Variants in MEGF9 observed in about 807,000 individuals in gnomAD.
MEGF9 encodes multiple epidermal growth factor-like domains protein 9.
MEGF9 carries 6 observed loss-of-function variants against 46.8 expected under a neutral mutation model. That is an observed-to-expected ratio of 0.13 (90% confidence interval 0.07 to 0.25). MEGF9 has a LOEUF of 0.25. MEGF9 is among the 10% of genes least tolerant of loss of function. MEGF9 has a pLI of 1.00. For synonymous variants in MEGF9, 302 were observed against 330.7 expected (o/e 0.91, Z 0.94); for missense variants, 683 against 792.4 (o/e 0.86, Z 1.66).
At chr9:120,662,420 T>TA (rs1374135422) in intron 1 of MEGF9, among the ~76,000 whole-genome samples, 1 of 152,200 alleles carries the variant, frequency 6.6e-6, no homozygotes, top group Non-Finnish European at 1.5e-5. Context: ...TATGAATCCA[T>TA]AACAATATCT....
chr9:120,658,080 G>T (rs543640713), intron 2 of MEGF9, among the ~76,000 whole-genome samples: 2 of 152,048 alleles, frequency 1.3e-5, no homozygotes, highest in East Asian at 3.9e-4. Flanking sequence ...CACCTCCCGG[G>T]TTCAACCGAT....
intron 1 of MEGF9, among the ~76,000 whole-genome samples, chr9:120,661,077 T>C (rs2043699679): frequency 2.0e-5 from 3 of 152,174 alleles, no homozygotes; most frequent in South Asian, 4.1e-4. Context: ...AGCTTATTTA[T>C]CCACACAAGT....
chr9:120,620,558 A>G (rs559805226), intron 3 of MEGF9, among the ~76,000 whole-genome samples: 2 of 152,346 alleles, frequency 1.3e-5, no homozygotes, highest in African/African-American at 4.8e-5. Flanking sequence ...GAGAGCATAT[A>G]ATAAGGAAAT....
chr9:120,654,079 G>C (rs1177693866), intron 2 of MEGF9, among the ~76,000 whole-genome samples: 1 of 152,218 alleles, frequency 6.6e-6, no homozygotes, highest in African/African-American at 2.4e-5. Context: ...TGAAGAGTAA[G>C]AGAGATATCT....
At chr9:120,650,820 G>GTT (rs890175883) in intron 2 of MEGF9, among the ~76,000 whole-genome samples, 1 of 146,820 alleles carries the variant, frequency 6.8e-6, no homozygotes. Context: ...GAATTTTCAT[G>GTT]TTTTTTTTTT....
chr9:120,654,353 AG>A lies in MEGF9; in HGVS notation c.803+5020del, dbSNP rs570843889. 5.9e-5 allele frequency among the ~76,000 whole-genome samples: 9 copies of A among 152,326 alleles called. No individual in the cohort carries two copies. In the East Asian group the frequency reaches 1.7e-3, roughly 29 times the overall value. On this transcript the variant is annotated intron_variant, in intron 2 of 5. Transcript: ENST00000373930. ...CATATAGAACAGGGAAAAATAATAC[AG>A]TCAGGTGCAACATGATGACATTTCC...
At chr9:120,629,038 C>G (rs900052864) in intron 2 of MEGF9, among the ~76,000 whole-genome samples, 1 of 152,042 alleles carries the variant, frequency 6.6e-6, no homozygotes, top group Non-Finnish European at 1.5e-5. Flanking sequence ...TGCAGTGGTG[C>G]GATCACAGCT....
At chr9:120,627,531 C>T (rs982655032) in intron 2 of MEGF9, among the ~76,000 whole-genome samples, 1 of 152,148 alleles carries the variant, frequency 6.6e-6, no homozygotes, top group Non-Finnish European at 1.5e-5. Context: ...GGCACAATCT[C>T]GGCTTACTGC....
At chr9:120,709,773 G>C (rs1417694217) in intron 1 of MEGF9, among the ~76,000 whole-genome samples, 1 of 152,146 alleles carries the variant, frequency 6.6e-6, no homozygotes, top group Admixed American at 6.5e-5. Context: ...TTGGGCCAGC[G>C]TGCGGCAGCT....
In MEGF9 at chr9:120,605,727, T is replaced by A; in HGVS notation, c.1358-86A>T. ...TAAAAGAAATACGCATGGGAGTGAA[T>A]GTTGATGTAGGATGTTAACATGATA... is the stretch of plus-strand genomic sequence containing the variant. On this transcript the variant is annotated intron_variant, in intron 5 of 5. Coordinates refer to ENST00000373930, the MANE Select transcript of MEGF9 (RefSeq NM_001080497.3). This position sits in a 1 kb window ranked among gnomAD's most constrained non-coding sequence, Gnocchi z 4.0. 1 of 948,856 alleles carries A rather than the reference T, an allele frequency of 1.1e-6. No homozygotes were observed. Among genetic ancestry groups the A allele is most frequent in the Non-Finnish European group, 1.6e-6 (1 of 639,232 alleles). 58.8% of individuals were successfully genotyped at this position (948,856 alleles called of 1,614,324 possible).
intron 1 of MEGF9, among the ~76,000 whole-genome samples, chr9:120,682,587 A>ACG (rs2043803524): frequency 6.6e-6 from 1 of 151,814 alleles, no homozygotes; most frequent in South Asian, 2.1e-4. Context: ...ACACACACAC[A>ACG]CACGCACACA....
At position 120,659,566 on chromosome 9, in the gene MEGF9, C is replaced by T. The variant is rs1411303328; in HGVS notation, c.611G>A (p.Cys204Tyr). ...CAGGCTTCCAACCACAGAGCAGTTACATACATACTCTGCAAAGGAAAGAAG... is the reference window on the plus strand; with the variant it reads ...CAGGCTTCCAACCACAGAGCAGTTATATACATACTCTGCAAAGGAAAGAAG... ...APSSPPPEYV[C>Y]NCSVVGSLNV... Residue 204 changes from cysteine to tyrosine, a missense_variant, in exon 2 of 6, where the codon TGT becomes TAT. Coordinates refer to ENST00000373930, the MANE Select transcript of MEGF9 (RefSeq NM_001080497.3). 2 of 1,609,672 alleles carry T rather than the reference C, an allele frequency of 1.2e-6. No homozygotes were observed. Among genetic ancestry groups the T allele is most frequent in the African/African-American group, 2.7e-5 (2 of 74,778 alleles).
intron 1 of MEGF9, among the ~76,000 whole-genome samples, chr9:120,699,444 G>A (rs1023919175): frequency 5.9e-5 from 9 of 152,040 alleles, no homozygotes; most frequent in Admixed American, 2.6e-4. Flanking sequence ...CTGGCCAGGT[G>A]CAGTGGCTCA....
chr9:120,620,162 G>C (rs2043491966), intron 3 of MEGF9, among the ~76,000 whole-genome samples: 1 of 152,138 alleles, frequency 6.6e-6, no homozygotes, highest in Non-Finnish European at 1.5e-5. Context: ...GAAAGGACAG[G>C]TCAGCACTTA....
chr9:120,658,262 C>T (rs920292465), intron 2 of MEGF9, among the ~76,000 whole-genome samples: 7 of 152,348 alleles, frequency 4.6e-5, no homozygotes, highest in Non-Finnish European at 7.4e-5. Context: ...GCTAGGATTA[C>T]AGGCGTGAGC....
intron 2 of MEGF9, among the ~76,000 whole-genome samples, chr9:120,631,527 C>T (rs577695779): frequency 2.6e-5 from 4 of 151,808 alleles, no homozygotes; most frequent in African/African-American, 7.3e-5. Flanking sequence ...CCCTGTCACC[C>T]GGGCTGGAGT....
At chr9:120,659,875 C>G (rs1192252277) in intron 1 of MEGF9, among the ~76,000 whole-genome samples, 2 of 150,314 alleles carry the variant, frequency 1.3e-5, no homozygotes, top group Admixed American at 6.7e-5. Context: ...CTACATGGCA[C>G]TAAGGGCACA....
intron 1 of MEGF9, among the ~76,000 whole-genome samples, chr9:120,690,757 C>T (rs773773934): frequency 6.6e-6 from 1 of 152,030 alleles, no homozygotes; most frequent in African/African-American, 2.4e-5. Flanking sequence ...CCAAAATTTC[C>T]TCTGTATTAT....
chr9:120,633,687 T>A lies in MEGF9; in HGVS notation c.804-10932A>T, dbSNP rs72755763. ...TAGTTCCTTAAGCTGGATCATTAGGTTGTTTATTTGAAATTTTGCTAGTTT... is the reference window on the plus strand; with the variant it reads ...TAGTTCCTTAAGCTGGATCATTAGGATGTTTATTTGAAATTTTGCTAGTTT... On this transcript the variant is annotated intron_variant, in intron 2 of 5. Transcript: ENST00000373930. 3.0e-3 allele frequency among the ~76,000 whole-genome samples: 458 copies of A among 152,200 alleles called. 8 individuals carry two copies. Among genetic ancestry groups the A allele is most frequent in the Non-Finnish European group, 2.0e-3 (133 of 68,004 alleles).
Sources: allele counts gnomAD v4.1 joint callset (sites outside exome capture counted in the v4.1 genomes callset), GRCh38; gene constraint gnomAD v4.1.1; non-coding constraint Gnocchi (gnomAD v3.1); transcripts MANE v1.5; gene names NCBI Gene and HGNC (gene_info 2026-07-23, HGNC 2026-07-21).